Variants in ATG10 observed in about 807,000 individuals in gnomAD.
The protein encoded by ATG10 is ubiquitin-like-conjugating enzyme ATG10.
A neutral mutation model predicts 32.1 loss-of-function variants in ATG10; 30 were observed. The ratio of observed to expected loss-of-function variants is 0.94; its 90% CI spans 0.70 to 1.27. ATG10 has a LOEUF of 1.27. ATG10 is among the 50% of genes most tolerant of loss of function. ATG10 has a pLI of 0.00. For synonymous variants in ATG10, 87 were observed against 91.5 expected, an observed-to-expected ratio of 0.95 and a Z score of 0.28; for missense variants, 233 against 262.3, an observed-to-expected ratio of 0.89 and a Z score of 0.77.
Position 82,119,071 on chromosome 5 carries a change from A to C in ATG10, c.217-45328A>C, listed in dbSNP as rs537413234. Among the ~76,000 whole-genome samples, 5 of 152,316 alleles carry C rather than the reference A, an allele frequency of 3.3e-5. No individual in the cohort carries two copies. In the South Asian group the frequency reaches 1.0e-3, roughly 32 times the overall value. On this transcript the variant is annotated intron_variant, in intron 3 of 7. Transcript: ENST00000282185. ...TTGAACTATGTTAATTGATAGTCAAATTACTTTAACCTATGGAGATTTTCT... is the reference window on the plus strand; with the variant it reads ...TTGAACTATGTTAATTGATAGTCAACTTACTTTAACCTATGGAGATTTTCT...
rs1482318185 is a variant in ATG10, at chr5:82,230,855, T to G, written c.454-21707T>G. Among the ~76,000 whole-genome samples, 3 of 151,660 alleles carry G rather than the reference T, an allele frequency of 2.0e-5. No individual in the cohort carries two copies. In the East Asian group the frequency reaches 5.8e-4, roughly 29 times the overall value. On this transcript the variant is annotated intron_variant, in intron 5 of 7. Coordinates refer to ENST00000282185, the MANE Select transcript of ATG10 (RefSeq NM_031482.5). ...GGAAAATTATGTAATTAAAAGAAAG[T>G]TATAAGGACTATGTAAAATATGGAA... is the stretch of plus-strand genomic sequence containing the variant.
At chr5:82,129,614 C>G (rs1766433105) in intron 3 of ATG10, among the ~76,000 whole-genome samples, 1 of 152,144 alleles carries the variant, frequency 6.6e-6, no homozygotes, top group South Asian at 2.1e-4. Context: ...TGCTGCAGGA[C>G]TGCTGGAGTT....
At chr5:82,017,094 T>C (rs561202739) in intron 2 of ATG10, among the ~76,000 whole-genome samples, 112 of 152,312 alleles carry the variant, frequency 7.4e-4, no homozygotes, top group Non-Finnish European at 1.4e-3. Flanking sequence ...CAGTGTTTTA[T>C]AGTTTTCCTT....
intron 5 of ATG10, among the ~76,000 whole-genome samples, chr5:82,221,168 T>C (rs1160173169): frequency 6.6e-6 from 1 of 152,188 alleles, no homozygotes; most frequent in African/African-American, 2.4e-5. Flanking sequence ...AGGTTTCCTT[T>C]CTCAGCTAGC....
At chr5:82,084,386 G>A (rs1361887124) in intron 3 of ATG10, among the ~76,000 whole-genome samples, 1 of 152,156 alleles carries the variant, frequency 6.6e-6, no homozygotes, top group African/African-American at 2.4e-5. Flanking sequence ...AGGGAGAATG[G>A]AACCAAGTTG....
intron 4 of ATG10, among the ~76,000 whole-genome samples, chr5:82,175,231 T>A (rs1743965551): frequency 6.6e-6 from 1 of 152,168 alleles, no homozygotes; most frequent in African/African-American, 2.4e-5. Context: ...AATAAAGCTT[T>A]GCCAGGCCTC....
intron 3 of ATG10, among the ~76,000 whole-genome samples, chr5:82,089,240 G>A (rs972159702): frequency 1.3e-5 from 2 of 151,990 alleles, no homozygotes; most frequent in Admixed American, 1.3e-4. Context: ...TACTCAGGAG[G>A]CTAAGGTAGG....
chr5:82,093,192 T>TTTCTCTCCCC (rs1764948418), intron 3 of ATG10, among the ~76,000 whole-genome samples: 1 of 152,208 alleles, frequency 6.6e-6, no homozygotes, highest in Non-Finnish European at 1.5e-5. Flanking sequence ...ATTTTAAACA[T>TTTCTCTCCCC]ATTTATCTCT....
At chr5:82,050,488 CTA>C (rs1430619483) in intron 2 of ATG10, among the ~76,000 whole-genome samples, 3 of 151,824 alleles carry the variant, frequency 2.0e-5, no homozygotes, top group Admixed American at 1.3e-4. Flanking sequence ...TATTCAGTAA[CTA>C]TAATTTAGTC....
chr5:82,141,340 TAC>T (rs540629095), intron 3 of ATG10, among the ~76,000 whole-genome samples: 253 of 152,324 alleles, frequency 1.7e-3, no homozygotes, highest in Non-Finnish European at 2.9e-3. Context: ...CTTGAACTGA[TAC>T]ACTTGATTCA....
chr5:82,017,051 C>G (rs1156640839), intron 2 of ATG10, among the ~76,000 whole-genome samples: 2 of 151,984 alleles, frequency 1.3e-5, no homozygotes, highest in African/African-American at 4.8e-5. Context: ...GGATGTGTTT[C>G]TACTTGTTTG....
At chr5:82,028,344 A>G (rs922873374) in intron 2 of ATG10, among the ~76,000 whole-genome samples, 1 of 152,196 alleles carries the variant, frequency 6.6e-6, no homozygotes, top group Admixed American at 6.5e-5. Flanking sequence ...AGAAGTACCA[A>G]AACAAATTAC....
intron 5 of ATG10, among the ~76,000 whole-genome samples, chr5:82,180,987 A>G (rs983324096): frequency 6.6e-6 from 1 of 152,138 alleles, no homozygotes; most frequent in Non-Finnish European, 1.5e-5. Context: ...CACTGAACCA[A>G]TCTGTATATA....
At chr5:82,188,922 C>G (rs944871832) in intron 5 of ATG10, among the ~76,000 whole-genome samples, 1 of 152,020 alleles carries the variant, frequency 6.6e-6, no homozygotes, top group Non-Finnish European at 1.5e-5. Flanking sequence ...TTGTCATTTT[C>G]TCTGGTTCTC....
At chr5:82,105,353 A>G (rs1765413694) in intron 3 of ATG10, among the ~76,000 whole-genome samples, 1 of 152,004 alleles carries the variant, frequency 6.6e-6, no homozygotes, top group Non-Finnish European at 1.5e-5. Flanking sequence ...CTGCCAGCTA[A>G]TTTACAGCTC....
chr5:82,229,379 G>A (rs535146042), intron 5 of ATG10, among the ~76,000 whole-genome samples: 33 of 152,176 alleles, frequency 2.2e-4, no homozygotes, highest in Non-Finnish European at 4.6e-4. Context: ...ATGCCCTAAG[G>A]TGTGTTTACT....
intron 5 of ATG10, among the ~76,000 whole-genome samples, chr5:82,211,068 C>A (rs1165737747): frequency 1.3e-5 from 2 of 152,080 alleles, no homozygotes; most frequent in Non-Finnish European, 2.9e-5. Context: ...AAAATTCCTC[C>A]TGTAGAGATA....
At chr5:82,044,637 G>C (rs1238548906) in intron 2 of ATG10, among the ~76,000 whole-genome samples, 11 of 152,060 alleles carry the variant, frequency 7.2e-5, no homozygotes, top group African/African-American at 2.2e-4. Context: ...GAATTGCGAC[G>C]GCAAGTCCTG....
At chr5:82,145,348 T>G (rs925552758) in intron 3 of ATG10, among the ~76,000 whole-genome samples, 2 of 152,130 alleles carry the variant, frequency 1.3e-5, no homozygotes, top group African/African-American at 2.4e-5. Flanking sequence ...CTTTCCTGTC[T>G]TCTTTTGGAT....
Sources: allele counts gnomAD v4.1 joint callset (sites outside exome capture counted in the v4.1 genomes callset), GRCh38; gene constraint gnomAD v4.1.1; transcripts MANE v1.5; gene names NCBI Gene and HGNC (gene_info 2026-07-23, HGNC 2026-07-21).